The following SAMD12 variants were observed in gnomAD, a reference collection of about 807,000 sequenced individuals.
The protein encoded by SAMD12 is sterile alpha motif domain-containing protein 12.
In SAMD12, 9 loss-of-function variants were observed where a neutral mutation model predicts 15.0. That is an observed-to-expected ratio of 0.60 (90% CI 0.36 to 1.05). SAMD12 has a LOEUF of 1.05. SAMD12 is among the 50% of genes least tolerant of loss of function. The pLI is 0.01. For missense variants in SAMD12, 230 were observed against 234.2 expected (o/e 0.98, Z 0.12); for synonymous variants, 86 against 90.1 (o/e 0.96, Z 0.25).
At chr8:118,612,934 G>A (rs1002827700) in intron 1 of SAMD12, among the ~76,000 whole-genome samples, 1 of 152,206 alleles carries the variant, frequency 6.6e-6, no homozygotes, top group African/African-American at 2.4e-5. Context: ...TTACTACTCA[G>A]TGAAAGAAAC....
chr8:118,347,609 G>A (rs1022667996), intron 4 of SAMD12, among the ~76,000 whole-genome samples: 5 of 152,112 alleles, frequency 3.3e-5, no homozygotes, highest in Non-Finnish European at 7.3e-5. Context: ...ATAAAAGGCT[G>A]TTTTTTAAAT....
intron 2 of SAMD12, among the ~76,000 whole-genome samples, chr8:118,468,314 A>G (rs569209755): frequency 6.6e-6 from 1 of 152,224 alleles, no homozygotes; most frequent in African/African-American, 2.4e-5. Flanking sequence ...TTTTTTGCCA[A>G]CTGCCTCTGT....
intron 4 of SAMD12, among the ~76,000 whole-genome samples, chr8:118,318,323 T>TATATATATATATATATATAC (rs1816034613): frequency 1.4e-4 from 2 of 14,216 alleles, no homozygotes; most frequent in Admixed American, 8.1e-4. Flanking sequence ...TATATATATA[T>TATATATATATATATATATAC]ATATATATAT....
At chr8:118,285,470 T>C (rs914746618) in intron 4 of SAMD12, among the ~76,000 whole-genome samples, 1 of 152,250 alleles carries the variant, frequency 6.6e-6, no homozygotes, top group Non-Finnish European at 1.5e-5. Context: ...AAGGAACTGA[T>C]GCCATTTTCT....
intron 2 of SAMD12, among the ~76,000 whole-genome samples, chr8:118,515,194 T>TTTG (rs1265187675): frequency 4.1e-5 from 6 of 145,642 alleles, no homozygotes; most frequent in Non-Finnish European, 7.6e-5. Flanking sequence ...AATTTTTTTT[T>TTTG]TTTTTTTTTT....
At position 118,313,104 on chromosome 8, in the gene SAMD12, A is replaced by G. The variant is rs368835425; in HGVS notation, c.433+66456T>C. On this transcript the variant is annotated intron_variant, in intron 4 of 4. Transcript: ENST00000409003. ...CATCAAGAGCCACTGGTACAAAACC[A>G]TTAATGGAAGTATTTAAGAGATGCC... Among the ~76,000 whole-genome samples, 136 of 152,306 alleles carry G rather than the reference A, an allele frequency of 8.9e-4. No individual in the cohort carries two copies. The Middle Eastern group carries it at 0.051, about 57-fold the overall frequency.
At chr8:118,360,526 G>GA (rs201319688) in intron 4 of SAMD12, among the ~76,000 whole-genome samples, 176 of 139,912 alleles carry the variant, frequency 1.3e-3, no homozygotes, top group South Asian at 6.9e-3. Context: ...TAAGGTAAAA[G>GA]AAAAAAAAAA....
chr8:118,621,962 G>T lies in SAMD12; in HGVS notation c.-146C>A, dbSNP rs548497238. On this transcript the variant is annotated 5_prime_UTR_variant, in exon 1 of 4. Transcript: ENST00000314727. ...ACCTGCCGCGGTCACGCAAAGCGAG[G>T]CAGCCGGCTCCCGGCTCGGCGCGCG... 63 of 999,140 alleles carry T rather than the reference G, an allele frequency of 6.3e-5. No individual in the cohort carries two copies. The African/African-American group carries it at 9.0e-4, about 14-fold the overall frequency. The allele number at this position is 999,140 out of a possible 1,614,324, so 61.9% of individuals were successfully genotyped here.
chr8:118,546,607 GA>G (rs1826134134), intron 2 of SAMD12, among the ~76,000 whole-genome samples: 2 of 152,162 alleles, frequency 1.3e-5, no homozygotes, highest in African/African-American at 4.8e-5. Flanking sequence ...ATTTCTAGAA[GA>G]TTTTTTTAAT....
intron 4 of SAMD12, among the ~76,000 whole-genome samples, chr8:118,348,946 G>A (rs547398050): frequency 6.6e-6 from 1 of 152,330 alleles, no homozygotes; most frequent in South Asian, 2.1e-4. Flanking sequence ...CAGGCCAAGA[G>A]GCACCATTAA....
chr8:118,424,078 C>A (rs1822139123), intron 3 of SAMD12, among the ~76,000 whole-genome samples: 1 of 152,036 alleles, frequency 6.6e-6, no homozygotes, highest in African/African-American at 2.4e-5. Context: ...CTAAAAAACA[C>A]ACTGGGCAAG....
chr8:118,371,387 A>G (rs1374018868), intron 4 of SAMD12, among the ~76,000 whole-genome samples: 1 of 152,106 alleles, frequency 6.6e-6, no homozygotes, highest in Non-Finnish European at 1.5e-5. Flanking sequence ...ATGGCCTGGG[A>G]AAGAGCTGAA....
chr8:118,355,122 A>G (rs966995496), intron 4 of SAMD12, among the ~76,000 whole-genome samples: 3 of 152,242 alleles, frequency 2.0e-5, no homozygotes, highest in African/African-American at 7.2e-5. Flanking sequence ...GCAATTGCAA[A>G]AATATGGAAC....
chr8:118,414,649 C>CT (rs1821592422), intron 3 of SAMD12, among the ~76,000 whole-genome samples: 1 of 152,112 alleles, frequency 6.6e-6, no homozygotes, highest in East Asian at 1.9e-4. Context: ...TAGGGATTAT[C>CT]TTCTGAAGCC....
chr8:118,139,973 T>C, the SAMD12 span, among the ~76,000 whole-genome samples: 2 of 152,140 alleles, frequency 1.3e-5, no homozygotes, highest in Admixed American at 1.3e-4. Context: ...GCGCTGGACT[T>C]CCTTTCCTCT....
chr8:118,576,010 C>T (rs947475602), intron 2 of SAMD12, among the ~76,000 whole-genome samples: 2 of 151,516 alleles, frequency 1.3e-5, no homozygotes, highest in African/African-American at 4.9e-5. Flanking sequence ...TTTTAAATGA[C>T]TGAAGTCCTT....
At chr8:118,580,631 C>T (rs940574331) in intron 2 of SAMD12, 84 bp downstream of exon 2, 4 of 918,298 alleles carry the variant, frequency 4.4e-6, no homozygotes, top group East Asian at 2.4e-5. Flanking sequence ...AGTGAAAGCA[C>T]TATCAGCTCT....
intron 2 of SAMD12, among the ~76,000 whole-genome samples, chr8:118,551,519 T>C (rs1441559360): frequency 6.6e-6 from 1 of 151,828 alleles, no homozygotes; most frequent in Non-Finnish European, 1.5e-5. Context: ...TGGGACACAT[T>C]CAAAGCAGTG....
At chr8:118,273,813 C>T (rs762318757) in intron 4 of SAMD12, among the ~76,000 whole-genome samples, 1 of 152,108 alleles carries the variant, frequency 6.6e-6, no homozygotes, top group Non-Finnish European at 1.5e-5. Context: ...GGAATGTATC[C>T]TGTGGAAATA....
Sources: gnomAD v4.1 joint callset for allele counts (sites outside exome capture counted in the v4.1 genomes callset) on GRCh38, gnomAD v4.1.1 for gene constraint, MANE v1.5 for transcripts, NCBI Gene and HGNC (gene_info 2026-07-23, HGNC 2026-07-21) for gene names.